PDE4D: variants seen among roughly 807,000 people sequenced by gnomAD.
PDE4D encodes the protein 3',5'-cyclic-AMP phosphodiesterase 4D.
Under a neutral mutation model 87.4 loss-of-function variants are expected in PDE4D, and 24 were observed. That is an observed-to-expected ratio of 0.27 (90% CI 0.20 to 0.39). The LOEUF (loss-of-function observed/expected upper bound fraction) is 0.39, where lower values mean the gene tolerates loss of function less well. Among genes scored for constraint, PDE4D ranks in the 10% least tolerant of loss-of-function variants. The pLI is 1.00. For missense variants in PDE4D, 714 were observed against 1,041.0 expected (o/e 0.69, Z 4.32); for synonymous variants, 384 against 383.2 (o/e 1.00, Z -0.02).
intron 1 of PDE4D, among the ~76,000 whole-genome samples, chr5:59,775,648 G>A (rs1193682181): frequency 6.6e-6 from 1 of 152,078 alleles, no homozygotes; most frequent in Non-Finnish European, 1.5e-5. Flanking sequence ...AAAGATCTTG[G>A]GTGGACCTTC....
At chr5:59,875,115 C>T (rs1748360724) in intron 1 of PDE4D, among the ~76,000 whole-genome samples, 1 of 152,140 alleles carries the variant, frequency 6.6e-6, no homozygotes, top group Admixed American at 6.5e-5. Context: ...TGGAATAAGA[C>T]TATCCAAGAT....
At chr5:60,015,074 A>G (rs774107986) in intron 2 of PDE4D, among the ~76,000 whole-genome samples, 10 of 152,150 alleles carry the variant, frequency 6.6e-5, no homozygotes, top group Non-Finnish European at 1.3e-4. Flanking sequence ...TAGCGATACA[A>G]CAATCCCTGT....
chr5:59,616,722 A>G (rs1829714108), intron 1 of PDE4D, among the ~76,000 whole-genome samples: 1 of 151,720 alleles, frequency 6.6e-6, no homozygotes, highest in African/African-American at 2.4e-5. Context: ...CAGGTTTCAA[A>G]TATAATTGCT....
chr5:59,928,805 C>A (rs1206769287), intron 3 of PDE4D, among the ~76,000 whole-genome samples: 1 of 148,050 alleles, frequency 6.8e-6, no homozygotes, highest in Admixed American at 6.7e-5. Flanking sequence ...AAGTTCCAGA[C>A]CTTAAAATGC....
intron 1 of PDE4D, among the ~76,000 whole-genome samples, chr5:59,651,665 C>T (rs1743525555): frequency 6.6e-6 from 1 of 152,056 alleles, no homozygotes; most frequent in East Asian, 1.9e-4. Context: ...ATGATTATTT[C>T]CCTTCCTTCC....
intron 1 of PDE4D, among the ~76,000 whole-genome samples, chr5:59,785,465 G>T (rs1158611013): frequency 1.3e-5 from 2 of 152,162 alleles, no homozygotes; most frequent in Non-Finnish European, 2.9e-5. Context: ...AAGATATATA[G>T]ATCTGGATCA....
At chr5:60,513,212 A>G (rs527646363) in intron 1 of PDE4D, among the ~76,000 whole-genome samples, 1 of 152,270 alleles carries the variant, frequency 6.6e-6, no homozygotes, top group South Asian at 2.1e-4. Flanking sequence ...CTTACAAGAG[A>G]CATTTCTTAA....
Position 60,179,297 on chromosome 5 carries a change from G to A in PDE4D, c.42+6260C>T, listed in dbSNP as rs149777500. 5.1e-3 allele frequency among the ~76,000 whole-genome samples: 779 copies of A among 151,996 alleles called. 4 individuals are homozygous for A. The highest frequency in any genetic ancestry group is 7.1e-3 in the Non-Finnish European group (479 of 67,938). On this transcript the variant is annotated intron_variant, in intron 2 of 16. Coordinates refer to the PDE4D transcript ENST00000502484. The stretch of plus-strand genomic sequence containing the variant: ...ATGGCTTTTAATTTGCACAAGTTAG[G>A]GAAACTTGTGAACTGACAAGAGTGA...
chr5:60,358,461 A>G (rs1312272043), intron 1 of PDE4D, among the ~76,000 whole-genome samples: 1 of 152,112 alleles, frequency 6.6e-6, no homozygotes, highest in Admixed American at 6.5e-5. Flanking sequence ...GGCTGACTGT[A>G]TCAGACATGT....
chr5:59,334,431 G>A (rs1478244169), intron 1 of PDE4D, among the ~76,000 whole-genome samples: 1 of 151,518 alleles, frequency 6.6e-6, no homozygotes, highest in African/African-American at 2.4e-5. Context: ...GCTAATTTTT[G>A]TATTTTTATA....
intron 2 of PDE4D, among the ~76,000 whole-genome samples, chr5:60,038,523 T>C (rs1768080870): frequency 6.6e-6 from 1 of 152,140 alleles, no homozygotes; most frequent in African/African-American, 2.4e-5. Flanking sequence ...TTTTGGTTAC[T>C]GTAGCCTTGT....
At chr5:59,725,821 A>G (rs1350809531) in intron 1 of PDE4D, among the ~76,000 whole-genome samples, 2 of 143,280 alleles carry the variant, frequency 1.4e-5, no homozygotes, top group Admixed American at 7.0e-5. Context: ...CATTAAAGTT[A>G]GTTGTTTTTT....
chr5:60,279,926 C>T (rs1048264264), intron 1 of PDE4D, among the ~76,000 whole-genome samples: 17 of 151,896 alleles, frequency 1.1e-4, no homozygotes, highest in African/African-American at 3.1e-4. Flanking sequence ...ATGATCCGCC[C>T]GCCTCGGCCT....
intron 1 of PDE4D, among the ~76,000 whole-genome samples, chr5:60,377,110 T>C (rs1449201942): frequency 1.3e-5 from 2 of 152,238 alleles, no homozygotes; most frequent in Non-Finnish European, 2.9e-5. Flanking sequence ...CCAAATATTG[T>C]CCATGTGCCT....
In PDE4D at chr5:59,012,514, T is replaced by G. The variant is rs533537858; in HGVS notation, c.922-19049A>C. Among the ~76,000 whole-genome samples, 5 of 152,180 alleles carry G rather than the reference T, an allele frequency of 3.3e-5. No homozygotes were observed. The East Asian group carries it at 9.7e-4, about 29-fold the overall frequency. On this transcript the variant is annotated intron_variant, in intron 6 of 14. Transcript: ENST00000340635. ...CAGGGGTTGCAATCCTAGTCTCTGA[T>G]AAAACAGACTTTAAACCAACAAAGA... is the stretch of plus-strand genomic sequence containing the variant.
At chr5:59,909,916 T>C (rs1452637694) in intron 3 of PDE4D, among the ~76,000 whole-genome samples, 1 of 152,162 alleles carries the variant, frequency 6.6e-6, no homozygotes, top group African/African-American at 2.4e-5. Flanking sequence ...TTCTGAAATT[T>C]CCTAAAGATG....
intron 5 of PDE4D, among the ~76,000 whole-genome samples, chr5:59,164,426 G>A (rs1480614356): frequency 1.3e-5 from 2 of 152,074 alleles, no homozygotes; most frequent in Admixed American, 6.6e-5. Context: ...CCTACTATGC[G>A]TCAGATGCTA....
At chr5:59,128,982 G>C (rs1775902775) in intron 5 of PDE4D, among the ~76,000 whole-genome samples, 1 of 152,190 alleles carries the variant, frequency 6.6e-6, no homozygotes, top group Non-Finnish European at 1.5e-5. Context: ...AACTAAAGCT[G>C]TCTCTCTCTA....
chr5:60,458,615 G>T (rs1746674038), intron 1 of PDE4D, among the ~76,000 whole-genome samples: 1 of 152,098 alleles, frequency 6.6e-6, no homozygotes, highest in African/African-American at 2.4e-5. Context: ...ACTTCATCAA[G>T]TCTGGTTTTT....
Sources: gnomAD v4.1 joint callset for allele counts (sites outside exome capture counted in the v4.1 genomes callset) on GRCh38, gnomAD v4.1.1 for gene constraint, MANE v1.5 for transcripts, NCBI Gene and HGNC (gene_info 2026-07-23, HGNC 2026-07-21) for gene names.